Variants in STAT4 observed in about 807,000 individuals in gnomAD.
STAT4 encodes signal transducer and activator of transcription 4.
In STAT4, 42 loss-of-function variants were observed where a neutral mutation model predicts 110.5. The observed-to-expected ratio is 0.38, with a 90% CI of 0.30 to 0.49. The LOEUF is 0.49. Ranked by LOEUF, STAT4 falls within the 20% of genes least tolerant of loss-of-function variation. The pLI, the probability that STAT4 is intolerant of heterozygous loss-of-function variation, is 0.95. For missense variants in STAT4, 632 were observed against 887.9 expected (o/e 0.71, Z 3.66); for synonymous variants, 284 against 302.2 (o/e 0.94, Z 0.63).
rs926133102 is a variant in STAT4 at position 191,082,297 on chromosome 2, C to T, written c.274-5972G>A. On this transcript the variant is annotated intron_variant, in intron 3 of 23. Coordinates refer to ENST00000392320, the MANE Select transcript of STAT4 (RefSeq NM_003151.4). The surrounding 1 kb of genome is among the most constrained non-coding windows in gnomAD (Gnocchi z 4.7). ...TCACAAATATCAAATTTGTACCCTG[C>T]TGATTTGTTCCCGTCCCTTTCTGCA... is the stretch of plus-strand genomic sequence containing the variant. 7.2e-5 allele frequency among the ~76,000 whole-genome samples: 11 copies of T among 152,178 alleles called. No individual in the cohort carries two copies. The highest frequency in any genetic ancestry group is 1.5e-4 in the Non-Finnish European group (10 of 68,034).
At chr2:191,148,008 T>C in intron 2 of STAT4, 68 bp downstream of exon 2, 2 of 1,594,568 alleles carry the variant, frequency 1.3e-6, no homozygotes, top group Non-Finnish European at 1.7e-6. Flanking sequence ...GACCATAAAA[T>C]AAATTCACAT....
intron 3 of STAT4, among the ~76,000 whole-genome samples, chr2:191,118,769 C>T (rs1698637878): frequency 6.6e-6 from 1 of 151,930 alleles, no homozygotes; most frequent in African/African-American, 2.4e-5. Context: ...TTGTTATGAT[C>T]GTTTTTTGAG....
At chr2:191,054,315 T>C (rs1696613966) in intron 14 of STAT4, among the ~76,000 whole-genome samples, 175 bp downstream of exon 14, 1 of 152,156 alleles carries the variant, frequency 6.6e-6, no homozygotes. Context: ...GTTATTTTCA[T>C]TTTCTCTTTT....
chr2:191,140,840 G>C lies in STAT4; in HGVS notation c.273+5773C>G, dbSNP rs150068252. Among the ~76,000 whole-genome samples, 326 of 152,250 alleles carry C rather than the reference G, an allele frequency of 2.1e-3. No individual in the cohort carries two copies. Among genetic ancestry groups the C allele is most frequent in the Non-Finnish European group, 3.6e-3 (246 of 68,018 alleles). On this transcript the variant is annotated intron_variant, in intron 3 of 23. Transcript: ENST00000392320. This position sits in a 1 kb window ranked among gnomAD's most constrained non-coding sequence, Gnocchi z 4.4. ...TTGCAAAGATAAGGAACCAACCTAAGTGTCCATCAACCAATGAGTAGATAA... is the reference window on the plus strand; with the variant it reads ...TTGCAAAGATAAGGAACCAACCTAACTGTCCATCAACCAATGAGTAGATAA...
intron 3 of STAT4, among the ~76,000 whole-genome samples, chr2:191,141,506 T>C (rs1446398349): frequency 3.5e-5 from 5 of 143,796 alleles, no homozygotes; most frequent in Non-Finnish European, 6.0e-5. Flanking sequence ...ATCACATATA[T>C]ACATACACAT....
At chr2:191,118,897 T>A (rs1188288144) in intron 3 of STAT4, among the ~76,000 whole-genome samples, 2 of 152,140 alleles carry the variant, frequency 1.3e-5, no homozygotes, top group East Asian at 3.9e-4. Flanking sequence ...GAGCTGGAAG[T>A]AAATGTGCAT....
chr2:191,116,710 A>T lies in STAT4; in HGVS notation c.273+29903T>A, dbSNP rs1030877354. Among the ~76,000 whole-genome samples, 1 of 152,186 alleles carries T rather than the reference A, an allele frequency of 6.6e-6. No individual in the cohort carries two copies. The highest frequency in any genetic ancestry group is 2.4e-5 in the African/African-American group (1 of 41,452). ...ATTACTGTCCTCTTTGGTTCATCACATACCTCATGGGCAGGAGACACCTCT... is the reference window on the plus strand; with the variant it reads ...ATTACTGTCCTCTTTGGTTCATCACTTACCTCATGGGCAGGAGACACCTCT... On this transcript the variant is annotated intron_variant, in intron 3 of 23. Transcript: ENST00000392320. The surrounding 1 kb of genome is among the most constrained non-coding windows in gnomAD (Gnocchi z 4.1).
Position 191,144,588 on chromosome 2 carries a change from C to T in STAT4, c.273+2025G>A, listed in dbSNP as rs1559087271. Among the ~76,000 whole-genome samples the T allele has an allele frequency of 6.6e-6, 1 of 151,610 alleles. No homozygotes were observed. The highest frequency in any genetic ancestry group is 2.4e-5 in the African/African-American group (1 of 41,380). On this transcript the variant is annotated intron_variant, in intron 3 of 23. Coordinates refer to ENST00000392320, the MANE Select transcript of STAT4 (RefSeq NM_003151.4). The surrounding 1 kb of genome is among the most constrained non-coding windows in gnomAD (Gnocchi z 4.7). Reference sequence around the variant, plus strand: ...AGTTTGTGCTCGAGCTGAAGCGTGACTGGGGGTAACTGCAGGTTTTTGAGC... The same window carrying T: ...AGTTTGTGCTCGAGCTGAAGCGTGATTGGGGGTAACTGCAGGTTTTTGAGC...
In STAT4 at chr2:191,146,677, C is replaced by T. The variant is rs751076320; in HGVS notation, c.209G>A (p.Arg70His). The change falls in exon 3 of 24, where the codon CGT (arginine) becomes CAT (histidine). Residue 70 changes from arginine to histidine, a missense_variant. By Grantham distance (29) the Arg-to-His change is conservative (BLOSUM62 0). Around this residue, in one of 4 missense-constraint regions of STAT4, gnomAD observed 488 missense variants for 632.8 expected, o/e 0.77. Coordinates refer to ENST00000392320, the MANE Select transcript of STAT4 (RefSeq NM_003151.4). This position sits in a 1 kb window ranked among gnomAD's most constrained non-coding sequence, Gnocchi z 4.5. ...LLIQLDEQLGRVSKEKNLLLI... is the reference protein window; with the variant it reads ...LLIQLDEQLGHVSKEKNLLLI... ...GAGTAGGTTTTTCTCTTTGGAAACA[C>T]GACCTAACTGTTCATCCAGTTGTAT... 21 of 1,593,636 alleles carry T rather than the reference C, an allele frequency of 1.3e-5. No individual in the cohort carries two copies. The highest frequency in any genetic ancestry group is 4.5e-5 in the East Asian group (2 of 44,088).
rs1368241637 is a variant in STAT4, at chr2:191,112,528, T to G, written c.273+34085A>C. 2.0e-5 allele frequency among the ~76,000 whole-genome samples: 3 copies of G among 152,252 alleles called. No individual in the cohort carries two copies. The highest frequency in any genetic ancestry group is 2.9e-5 in the Non-Finnish European group (2 of 68,048). ...GGGTATATGTATGCATATATATTTTTTACTAAAACATGCCCTGTGGCACAA... is the reference window on the plus strand; with the variant it reads ...GGGTATATGTATGCATATATATTTTGTACTAAAACATGCCCTGTGGCACAA... On this transcript the variant is annotated intron_variant, in intron 3 of 23. Coordinates refer to ENST00000392320, the MANE Select transcript of STAT4 (RefSeq NM_003151.4). The surrounding 1 kb of genome is among the most constrained non-coding windows in gnomAD (Gnocchi z 4.3).
In STAT4 at chr2:191,146,605, A is replaced by C. The variant is rs188510584; in HGVS notation, c.273+8T>G. On this transcript the variant is annotated splice_region_variant and intron_variant, in intron 3 of 23. Transcript: ENST00000392320. The surrounding 1 kb of genome is among the most constrained non-coding windows in gnomAD (Gnocchi z 4.5). ...CAAATATTTTGGAAAAGTAGAATGC[A>C]TTCTTACCTGAAGGACCTTCCTAAT... 3 of 1,510,448 alleles carry C rather than the reference A, an allele frequency of 2.0e-6. No homozygotes were observed. 93.6% of individuals were successfully genotyped at this position (1,510,448 alleles called of 1,614,324 possible). A position where few individuals can be genotyped will look rare whatever the true frequency, so the allele number is the denominator to read the frequency against.
At chr2:191,097,249 T>C (rs111495375) in intron 3 of STAT4, among the ~76,000 whole-genome samples, 12,612 of 152,264 alleles carry the variant, frequency 0.083, 793 homozygotes, top group Non-Finnish European at 0.13. Context: ...AAGACTTTTT[T>C]CACAGAATTG....
At position 191,113,597 on chromosome 2, in the gene STAT4, A is replaced by G. The variant is rs150702958; in HGVS notation, c.273+33016T>C. On this transcript the variant is annotated intron_variant, in intron 3 of 23. Transcript: ENST00000392320. This position sits in a 1 kb window ranked among gnomAD's most constrained non-coding sequence, Gnocchi z 4.8. ...CTTCACAGGGAGATGTAAGAAGGCA[A>G]TTAGGTACCATTAGGGCCAAATTTG... Among the ~76,000 whole-genome samples the G allele has an allele frequency of 5.8e-4, 88 of 152,350 alleles. No homozygotes were observed. The highest frequency in any genetic ancestry group is 2.1e-3 in the African/African-American group (87 of 41,592).
At position 191,096,076 on chromosome 2, in the gene STAT4, T is replaced by C. The variant is rs187287377; in HGVS notation, c.274-19751A>G. ...CTGCCAAGACTAAACCAGGAAGAAG[T>C]TGAATCCCTGAATAGACCAATAACA... On this transcript the variant is annotated intron_variant, in intron 3 of 23. Transcript: ENST00000392320. Among the ~76,000 whole-genome samples the C allele has an allele frequency of 1.2e-3, 180 of 152,236 alleles. 4 individuals are homozygous for C. The highest frequency in any genetic ancestry group is 4.1e-3 in the African/African-American group (171 of 41,520).
rs1280233534 is a variant in STAT4, at chr2:191,062,693, C to T, written c.941+69G>A. ...CTTCCCTGCCACTCTTCCACCTAAA[C>T]ACCAAAACCTTAGGAAGGGTGTTCT... On this transcript the variant is annotated intron_variant, in intron 9 of 23. Transcript: ENST00000392320. The surrounding 1 kb of genome is among the most constrained non-coding windows in gnomAD (Gnocchi z 4.9). 8.3e-6 allele frequency: 13 copies of T among 1,573,160 alleles called. No individual in the cohort carries two copies. Among genetic ancestry groups the T allele is most frequent in the Non-Finnish European group, 1.1e-5 (13 of 1,150,208 alleles).
intron 3 of STAT4, chr2:191,132,043 A>G: frequency 9.2e-7 from 1 of 1,082,454 alleles, no homozygotes; most frequent in Non-Finnish European, 1.2e-6. Context: ...AACTGAAGAG[A>G]AACGTTTCTT....
At chr2:191,049,876 T>C (rs1212348746) in intron 14 of STAT4, among the ~76,000 whole-genome samples, 1 of 152,154 alleles carries the variant, frequency 6.6e-6, no homozygotes, top group East Asian at 1.9e-4. Context: ...TTGTACAATT[T>C]CTCCCTCAAA....
chr2:191,095,043 A>G (rs980754059), intron 3 of STAT4, among the ~76,000 whole-genome samples: 3 of 152,222 alleles, frequency 2.0e-5, no homozygotes, highest in Admixed American at 1.3e-4. Flanking sequence ...CAATTCAACA[A>G]GAAGAGCTAA....
intron 1 of STAT4, among the ~76,000 whole-genome samples, chr2:191,149,353 TA>T (rs34160352): frequency 0.079 from 12,020 of 152,174 alleles, 534 homozygotes; most frequent in East Asian, 0.18. Context: ...TTAAAATTTA[TA>T]AAAAAACGTG....
Sources: gnomAD v4.1 joint callset for allele counts (sites outside exome capture counted in the v4.1 genomes callset) on GRCh38, gnomAD v4.1.1 for gene constraint, gnomAD v4.1.1 regional missense constraint, Gnocchi (gnomAD v3.1) non-coding constraint, MANE v1.5 for transcripts, NCBI Gene and HGNC (gene_info 2026-07-23, HGNC 2026-07-21) for gene names.